The following PSTPIP2 variants were observed in gnomAD, a reference collection of about 807,000 sequenced individuals.
PSTPIP2 encodes proline-serine-threonine phosphatase interacting protein 2.
Under a neutral mutation model 63.3 loss-of-function variants are expected in PSTPIP2, and 33 were observed. That is an observed-to-expected ratio of 0.52 (90% CI 0.40 to 0.70). The LOEUF (loss-of-function observed/expected upper bound fraction) is 0.70. Ranked by LOEUF, PSTPIP2 falls within the 30% of genes least tolerant of loss-of-function variation. The probability of loss-of-function intolerance (pLI) is 0.00; values close to 1 mark genes in which losing one functional copy is unlikely to be tolerated. For synonymous variants in PSTPIP2, 125 were observed against 132.7 expected (o/e 0.94, Z 0.40); for missense variants, 312 against 400.7 (o/e 0.78, Z 1.89).
chr18:46,008,138 T>A (rs924412670), intron 5 of PSTPIP2, among the ~76,000 whole-genome samples: 2 of 151,904 alleles, frequency 1.3e-5, no homozygotes, highest in Non-Finnish European at 1.5e-5. Context: ...TTATTACTGA[T>A]AACACAAAGG....
intron 1 of PSTPIP2, among the ~76,000 whole-genome samples, chr18:46,042,071 C>T (rs1447624953): frequency 6.6e-6 from 1 of 152,136 alleles, no homozygotes; most frequent in East Asian, 1.9e-4. Flanking sequence ...TTCAACTTGG[C>T]ACCCTAACAA....
chr18:46,009,175 T>C (rs2051765816), intron 5 of PSTPIP2, among the ~76,000 whole-genome samples: 1 of 152,068 alleles, frequency 6.6e-6, no homozygotes, highest in African/African-American at 2.4e-5. Context: ...GACCATACCA[T>C]GAACTTCTGG....
chr18:46,026,508 C>T (rs538511582), intron 2 of PSTPIP2, among the ~76,000 whole-genome samples: 4 of 152,250 alleles, frequency 2.6e-5, no homozygotes, highest in Non-Finnish European at 4.4e-5. Context: ...TGTCATTTGT[C>T]TTTTCTAAAT....
intron 13 of PSTPIP2, among the ~76,000 whole-genome samples, chr18:45,989,165 G>A (rs2051497228): frequency 6.6e-6 from 1 of 152,064 alleles, no homozygotes; most frequent in South Asian, 2.1e-4. Context: ...ACTGTTAAGT[G>A]CAGCATAAAC....
intron 1 of PSTPIP2, among the ~76,000 whole-genome samples, chr18:46,053,263 T>G (rs1404055204): frequency 6.6e-6 from 1 of 152,242 alleles, no homozygotes; most frequent in Non-Finnish European, 1.5e-5. Flanking sequence ...AGTTTTAGAT[T>G]AAGCTTATTT....
intron 3 of PSTPIP2, chr18:46,016,145 A>G: frequency 1.8e-6 from 1 of 567,136 alleles, no homozygotes; most frequent in Non-Finnish European, 3.2e-6. Flanking sequence ...TTCACTGTTC[A>G]TTTGGGGAGA....
chr18:46,036,175 T>C (rs1446846939), intron 2 of PSTPIP2, among the ~76,000 whole-genome samples: 1 of 149,870 alleles, frequency 6.7e-6, no homozygotes, highest in African/African-American at 2.4e-5. Context: ...TAATGTGTTA[T>C]AATATTGATT....
intron 9 of PSTPIP2, among the ~76,000 whole-genome samples, chr18:45,997,099 C>T (rs776190623): frequency 9.8e-5 from 15 of 152,350 alleles, no homozygotes; most frequent in Non-Finnish European, 1.5e-4. Flanking sequence ...TGTTGGACAG[C>T]ATGGTCAGGA....
intron 3 of PSTPIP2, among the ~76,000 whole-genome samples, chr18:46,022,603 T>A (rs999791873): frequency 1.3e-5 from 2 of 152,196 alleles, no homozygotes; most frequent in Non-Finnish European, 2.9e-5. Context: ...CCCTTGTTTA[T>A]AAATTATTAA....
chr18:46,005,572 CATT>C (rs747463051), intron 5 of PSTPIP2, 41 bp from the exon 6 acceptor site: 27 of 1,382,208 alleles, frequency 2.0e-5, no homozygotes, highest in Non-Finnish European at 2.6e-5. Context: ...AAACACAAAT[CATT>C]ATTAATAAAA....
chr18:46,029,408 G>T, intron 2 of PSTPIP2: 1 of 1,491,170 alleles, frequency 6.7e-7, no homozygotes, highest in Non-Finnish European at 9.4e-7. Context: ...ATGCCTCTTC[G>T]GGGATGGAGA....
intron 9 of PSTPIP2, among the ~76,000 whole-genome samples, chr18:45,995,173 G>A (rs1363172785): frequency 1.3e-5 from 2 of 152,206 alleles, no homozygotes; most frequent in East Asian, 3.9e-4. Flanking sequence ...GGAGAGCAGT[G>A]GTGCGCTCAT....
At position 46,015,895 on chromosome 18, in the gene PSTPIP2, T is replaced by C. The variant is rs1389819667; in HGVS notation, c.247+8A>G. 3.7e-6 allele frequency: 6 copies of C among 1,607,602 alleles called. No individual in the cohort carries two copies. In the Admixed American group the frequency reaches 1.0e-4, roughly 27 times the overall value. On this transcript the variant is annotated splice_region_variant and intron_variant, in intron 4 of 14. Coordinates refer to ENST00000409746, the MANE Select transcript of PSTPIP2 (RefSeq NM_024430.4). ...GTGAATACATTTTTTAAAAAAAAAATCACTTACGCTGCTTGAAGACTTCAA... is the reference window on the plus strand; with the variant it reads ...GTGAATACATTTTTTAAAAAAAAAACCACTTACGCTGCTTGAAGACTTCAA...
intron 1 of PSTPIP2, among the ~76,000 whole-genome samples, chr18:46,071,568 G>A (rs1174786829): frequency 6.6e-6 from 1 of 152,130 alleles, no homozygotes; most frequent in African/African-American, 2.4e-5. Context: ...GAGGGGGCTC[G>A]GGAAACAAGG....
intron 9 of PSTPIP2, among the ~76,000 whole-genome samples, chr18:45,996,734 C>G (rs1277275064): frequency 2.0e-5 from 3 of 151,972 alleles, no homozygotes; most frequent in Non-Finnish European, 4.4e-5. Flanking sequence ...GAGCTCAAGA[C>G]CAGCCTGGGC....
At chr18:46,023,092 C>A (rs914422364) in intron 3 of PSTPIP2, among the ~76,000 whole-genome samples, 12 of 152,056 alleles carry the variant, frequency 7.9e-5, no homozygotes, top group African/African-American at 2.9e-4. Flanking sequence ...TGGAGGGGAA[C>A]AACACACACT....
intron 3 of PSTPIP2, among the ~76,000 whole-genome samples, chr18:46,022,653 T>A (rs1349937853): frequency 6.6e-6 from 1 of 152,206 alleles, no homozygotes; most frequent in Non-Finnish European, 1.5e-5. Flanking sequence ...AAATCAATTA[T>A]GAAACCCTTC....
At chr18:45,991,813 T>A (rs191536491) in intron 12 of PSTPIP2, 89 bp downstream of exon 12, 1 of 1,271,688 alleles carries the variant, frequency 7.9e-7, no homozygotes, top group East Asian at 2.3e-5. Context: ...GTAGTAGATA[T>A]GTTCCAATTC....
At chr18:46,018,460 C>T (rs2051875236) in intron 3 of PSTPIP2, among the ~76,000 whole-genome samples, 1 of 152,030 alleles carries the variant, frequency 6.6e-6, no homozygotes, top group Admixed American at 6.6e-5. Flanking sequence ...CTTCTGCCTC[C>T]TGGGTTCAAG....
Sources: gnomAD v4.1 joint callset for allele counts (sites outside exome capture counted in the v4.1 genomes callset) on GRCh38, gnomAD v4.1.1 for gene constraint, MANE v1.5 for transcripts, NCBI Gene and HGNC (gene_info 2026-07-23, HGNC 2026-07-21) for gene names.